CDH13: variants seen among roughly 807,000 people sequenced by gnomAD.
CDH13 encodes cadherin 13, also known as cadherin-13.
Under a neutral mutation model 63.8 loss-of-function variants are expected in CDH13, and 24 were observed. The ratio of observed to expected loss-of-function variants is 0.38; its 90% CI spans 0.27 to 0.53. CDH13 has a LOEUF of 0.53. CDH13 is among the 20% of genes least tolerant of loss of function. CDH13 has a pLI of 0.85. For synonymous variants in CDH13, 503 were observed against 355.3 expected, an observed-to-expected ratio of 1.42 and a Z score of -4.67; for missense variants, 1,049 against 903.1, an observed-to-expected ratio of 1.16 and a Z score of -2.07.
At chr16:82,788,764 G>A (rs1175968885) in intron 1 of CDH13, among the ~76,000 whole-genome samples, 1 of 152,202 alleles carries the variant, frequency 6.6e-6, no homozygotes, top group East Asian at 1.9e-4. Flanking sequence ...ACATGACAAA[G>A]AGCCGGACAG....
At chr16:83,051,724 A>C (rs2030357065) in intron 3 of CDH13, among the ~76,000 whole-genome samples, 1 of 152,182 alleles carries the variant, frequency 6.6e-6, no homozygotes, top group East Asian at 1.9e-4. Flanking sequence ...CCAGATCTGA[A>C]CCTCCTGCTA....
intron 4 of CDH13, among the ~76,000 whole-genome samples, chr16:83,133,198 A>G (rs1055523335): frequency 1.3e-5 from 2 of 152,220 alleles, no homozygotes; most frequent in Admixed American, 1.3e-4. Flanking sequence ...TTCCTGATAC[A>G]TTTTAATCTA....
intron 3 of CDH13, among the ~76,000 whole-genome samples, chr16:83,050,380 A>G (rs1033795913): frequency 1.3e-5 from 2 of 152,194 alleles, no homozygotes; most frequent in African/African-American, 4.8e-5. Flanking sequence ...ACTGTCTTCT[A>G]CAGCAGCTGA....
At chr16:83,141,165 G>A (rs2036513861) in intron 4 of CDH13, among the ~76,000 whole-genome samples, 1 of 152,162 alleles carries the variant, frequency 6.6e-6, no homozygotes, top group South Asian at 2.1e-4. Context: ...ATTAAAGCCG[G>A]AGGGGCTCTG....
intron 10 of CDH13, among the ~76,000 whole-genome samples, chr16:83,727,085 G>T (rs1910495999): frequency 1.3e-5 from 2 of 152,190 alleles, no homozygotes; most frequent in Middle Eastern, 3.4e-3. Context: ...GGTTTTTAGT[G>T]TAGTCACAGA....
At chr16:82,841,441 G>C (rs552693730) in intron 1 of CDH13, among the ~76,000 whole-genome samples, 1 of 152,182 alleles carries the variant, frequency 6.6e-6, no homozygotes, top group Non-Finnish European at 1.5e-5. Context: ...TGATTATCCT[G>C]TAGTTTAGCA....
chr16:83,634,165 C>T (rs902646114), intron 8 of CDH13, among the ~76,000 whole-genome samples: 2 of 130,514 alleles, frequency 1.5e-5, no homozygotes, highest in Non-Finnish European at 3.3e-5. Flanking sequence ...GTGTGTGGTC[C>T]TACGCATTTG....
chr16:82,681,316 A>C (rs1407751250), intron 1 of CDH13, among the ~76,000 whole-genome samples: 2 of 152,200 alleles, frequency 1.3e-5, no homozygotes, highest in African/African-American at 4.8e-5. Flanking sequence ...GGACACAGAC[A>C]GTAGATTCGT....
At chr16:82,742,205 TGTTA>T (rs1330988532) in intron 1 of CDH13, among the ~76,000 whole-genome samples, 1 of 152,156 alleles carries the variant, frequency 6.6e-6, no homozygotes, top group Non-Finnish European at 1.5e-5. Context: ...TAAGGGCTAT[TGTTA>T]GTTACATCCC....
intron 2 of CDH13, among the ~76,000 whole-genome samples, chr16:82,935,069 C>T (rs543626482): frequency 6.6e-6 from 1 of 152,314 alleles, no homozygotes; most frequent in African/African-American, 2.4e-5. Context: ...CACACTGCTA[C>T]AAAGACATAC....
At chr16:82,916,407 C>T (rs983246940) in intron 2 of CDH13, among the ~76,000 whole-genome samples, 2 of 152,084 alleles carry the variant, frequency 1.3e-5, no homozygotes. Flanking sequence ...AACCCCGTCT[C>T]TACTAAAAAT....
At chr16:83,457,532 TA>T (rs1567685669) in intron 6 of CDH13, among the ~76,000 whole-genome samples, 1 of 152,158 alleles carries the variant, frequency 6.6e-6, no homozygotes, top group African/African-American at 2.4e-5. Context: ...GGATCCTCAA[TA>T]AATCACAGAT....
intron 5 of CDH13, among the ~76,000 whole-genome samples, chr16:83,237,954 G>C (rs975395408): frequency 6.6e-5 from 10 of 152,174 alleles, no homozygotes; most frequent in African/African-American, 2.4e-4. Flanking sequence ...CTATGCTCAC[G>C]TCACATAGCC....
At chr16:82,638,079 G>C (rs1317926544) in intron 1 of CDH13, among the ~76,000 whole-genome samples, 5 of 152,202 alleles carry the variant, frequency 3.3e-5, no homozygotes, top group Non-Finnish European at 7.3e-5. Flanking sequence ...GCCTTCCTTT[G>C]CTCCTTTGCT....
At chr16:82,994,205 C>A (rs1354921894) in intron 2 of CDH13, among the ~76,000 whole-genome samples, 1 of 152,158 alleles carries the variant, frequency 6.6e-6, no homozygotes, top group African/African-American at 2.4e-5. Flanking sequence ...AGAACCCATC[C>A]TTTGTGCATC....
chr16:82,929,350 A>C (rs1296466789), intron 2 of CDH13, among the ~76,000 whole-genome samples: 2 of 152,024 alleles, frequency 1.3e-5, no homozygotes, highest in Non-Finnish European at 2.9e-5. Context: ...CTTTTCTACT[A>C]CATGAGGACA....
chr16:82,745,086 C>G (rs2034101148), intron 1 of CDH13, among the ~76,000 whole-genome samples: 1 of 152,156 alleles, frequency 6.6e-6, no homozygotes. Flanking sequence ...GATTAAAACT[C>G]AGAATCTCTG....
chr16:83,555,934 G>C (rs1364222222), intron 7 of CDH13, among the ~76,000 whole-genome samples: 1 of 152,152 alleles, frequency 6.6e-6, no homozygotes, highest in Non-Finnish European at 1.5e-5. Context: ...AATAGTTTTG[G>C]AATAATGGGC....
Position 83,120,763 on chromosome 16 carries a change from C to CTTTTTTTTTTTTTTTTT in CDH13, c.367-4606_367-4605insTTTTTTTTTTTTTTTTT, listed in dbSNP as rs750711823. On this transcript the variant is annotated intron_variant, in intron 3 of 13. Coordinates refer to ENST00000567109, the MANE Select transcript of CDH13 (RefSeq NM_001257.5). ...AATACAACGCGCTCTAATTTTCTTT[C>CTTTTTTTTTTTTTTTTT]TTTTTTTTTTTTTTTTCTGAGATGG... Among the ~76,000 whole-genome samples the CTTTTTTTTTTTTTTTTT allele has an allele frequency of 1.0e-3, 63 of 60,206 alleles. 3 individuals are homozygous for CTTTTTTTTTTTTTTTTT. The highest frequency in any genetic ancestry group is 2.3e-3 in the African/African-American group (48 of 20,660). The allele number at this position is 60,206 out of a possible 152,430, so 39.5% of individuals were successfully genotyped here.
Sources: allele counts gnomAD v4.1 joint callset (sites outside exome capture counted in the v4.1 genomes callset), GRCh38; gene constraint gnomAD v4.1.1; transcripts MANE v1.5; gene names NCBI Gene and HGNC (gene_info 2026-07-23, HGNC 2026-07-21).